The following JPH1 variants were observed in gnomAD, a reference collection of about 807,000 sequenced individuals.
The protein encoded by JPH1 is junctophilin 1.
A neutral mutation model predicts 53.6 loss-of-function variants in JPH1; 12 were observed. That is an observed-to-expected ratio of 0.22 (90% CI 0.14 to 0.36). The LOEUF (loss-of-function observed/expected upper bound fraction) is 0.36. Ranked by LOEUF, JPH1 falls within the 10% of genes least tolerant of loss-of-function variation. The pLI is 1.00. For synonymous variants in JPH1, 375 were observed against 363.8 expected (o/e 1.03, Z -0.35); for missense variants, 808 against 905.5 (o/e 0.89, Z 1.38).
rs1808122913 is a variant in JPH1, at chr8:74,315,437, CCGGCCGGGCTGT to C, written c.551_562del (p.Asp184_Ala187del). 1 of 1,610,774 alleles carries C rather than the reference CCGGCCGGGCTGT, an allele frequency of 6.2e-7. No homozygotes were observed. Among genetic ancestry groups the C allele is most frequent in the South Asian group, 1.1e-5 (1 of 91,026 alleles). On this transcript the variant is annotated inframe_deletion, in exon 2 of 6. Transcript: ENST00000342232. The surrounding 1 kb of genome is among the most constrained non-coding windows in gnomAD (Gnocchi z 6.3). ...GTTGAGCACGAAACCGCCGCGGGTG[CCGGCCGGGCTGT>C]CGGCGGCGGCTGCGGCGTCGTGGAG...
intron 2 of JPH1, among the ~76,000 whole-genome samples, chr8:74,263,699 T>C (rs1265223628): frequency 6.6e-6 from 1 of 152,180 alleles, no homozygotes; most frequent in Non-Finnish European, 1.5e-5. Context: ...GTAACTGACC[T>C]CCCTACTTCG....
intron 2 of JPH1, among the ~76,000 whole-genome samples, chr8:74,291,920 G>A (rs529631955): frequency 3.3e-5 from 5 of 152,242 alleles, no homozygotes; most frequent in South Asian, 2.1e-4. Context: ...GCAAACTATC[G>A]CAAGGACAGA....
At chr8:74,273,387 C>T (rs1806759421) in intron 2 of JPH1, among the ~76,000 whole-genome samples, 1 of 152,104 alleles carries the variant, frequency 6.6e-6, no homozygotes, top group Admixed American at 6.5e-5. Context: ...CTGAATTCTT[C>T]TTATCCTCTA....
chr8:74,244,617 T>A lies in JPH1; in HGVS notation c.1817A>T (p.Glu606Val), dbSNP rs540170630. 6.2e-7 allele frequency: 1 copy of A among 1,614,252 alleles called. No homozygotes were observed. Among genetic ancestry groups the A allele is most frequent in the South Asian group, 1.1e-5 (1 of 91,088 alleles). Residue 606 changes from glutamate to valine, a missense_variant, in exon 4 of 6, where the codon GAG (glutamate) becomes GTG (valine). Coordinates refer to ENST00000342232, the MANE Select transcript of JPH1 (RefSeq NM_020647.4). ...AAGTTCAGACTTCTTAGCTTTTGGC[T>A]CAGCTTTGCTTTCTTTGGCAACTGG... ...TKPVAKESKA[E>V]PKAKKSELAI... is the part of the protein sequence containing the mutation.
Position 74,315,362 on chromosome 8 carries a change from C to T in JPH1, c.638G>A (p.Arg213Gln), listed in dbSNP as rs201314759. ...CATGCTTCCAAGAAGGGAGCCCCTC[C>T]GGAAGAGGCCGCCCTTCTTCTTGCC... ...LAGKKKGGLF[R>Q]RGSLLGSMKL... The change falls in exon 2 of 6, where the codon CGG becomes CAG. Residue 213 changes from arginine (R) to glutamine (Q), a missense_variant. Around this residue, in one of 2 missense-constraint regions of JPH1, gnomAD observed 756 missense variants for 811.9 expected, o/e 0.93. Transcript: ENST00000342232. This position sits in a 1 kb window ranked among gnomAD's most constrained non-coding sequence, Gnocchi z 6.3. 2 of 1,612,862 alleles carry T rather than the reference C, an allele frequency of 1.2e-6. No individual in the cohort carries two copies. Among genetic ancestry groups the T allele is most frequent in the Admixed American group, 1.7e-5 (1 of 59,940 alleles).
intron 3 of JPH1, among the ~76,000 whole-genome samples, chr8:74,256,991 T>A (rs1806258763): frequency 6.6e-6 from 1 of 152,198 alleles, no homozygotes; most frequent in Admixed American, 6.5e-5. Flanking sequence ...CCAGCCTAAT[T>A]TAGAAGTACT....
chr8:74,245,185 A>G lies in JPH1; in HGVS notation c.1259-10T>C. Reference sequence around the variant, plus strand: ...TTGACGTAATCAGGGCCTGGCCAAAAAAAAAAGAAAAAAGAAAAAAAGAAA... The same window carrying G: ...TTGACGTAATCAGGGCCTGGCCAAAGAAAAAAGAAAAAAGAAAAAAAGAAA... On this transcript the variant is annotated splice_polypyrimidine_tract_variant and intron_variant, in intron 3 of 5. Transcript: ENST00000342232. 1.3e-6 allele frequency: 2 copies of G among 1,551,548 alleles called. No homozygotes were observed. Among genetic ancestry groups the G allele is most frequent in the Non-Finnish European group, 1.7e-6 (2 of 1,157,978 alleles).
chr8:74,253,288 GACT>G, intron 3 of JPH1, among the ~76,000 whole-genome samples: 1 of 152,068 alleles, frequency 6.6e-6, no homozygotes, highest in Admixed American at 6.5e-5. Context: ...GCTCCTAAAT[GACT>G]ACTAGGTACA....
At chr8:74,244,014 C>T (rs752389620) in intron 4 of JPH1, among the ~76,000 whole-genome samples, 18 of 152,182 alleles carry the variant, frequency 1.2e-4, no homozygotes, top group Non-Finnish European at 2.5e-4. Context: ...CAAAGCCTGG[C>T]TAATTAAAGT....
At chr8:74,263,617 G>A (rs138294924) in intron 2 of JPH1, among the ~76,000 whole-genome samples, 2 of 152,220 alleles carry the variant, frequency 1.3e-5, no homozygotes, top group Non-Finnish European at 2.9e-5. Context: ...CACCACCTTC[G>A]GAGTATATTC....
intron 2 of JPH1, among the ~76,000 whole-genome samples, chr8:74,312,485 A>G (rs1202939577): frequency 6.6e-6 from 1 of 152,232 alleles, no homozygotes; most frequent in African/African-American, 2.4e-5. Flanking sequence ...CCTGGGCTCA[A>G]GAGATCCTTC....
chr8:74,265,205 G>A (rs993235535), intron 2 of JPH1, among the ~76,000 whole-genome samples: 5 of 152,210 alleles, frequency 3.3e-5, no homozygotes, highest in African/African-American at 9.6e-5. Flanking sequence ...CCCCTGCAGT[G>A]TGTTCATGCT....
intron 4 of JPH1, among the ~76,000 whole-genome samples, chr8:74,242,033 A>G (rs1447940810): frequency 6.6e-6 from 1 of 152,202 alleles, no homozygotes; most frequent in East Asian, 1.9e-4. Context: ...ATACGCAACC[A>G]TTGCCCACAG....
intron 2 of JPH1, among the ~76,000 whole-genome samples, chr8:74,260,506 A>G (rs979682365): frequency 9.2e-5 from 14 of 152,318 alleles, no homozygotes; most frequent in African/African-American, 3.4e-4. Context: ...TAAATTTTCT[A>G]TTATATTTTA....
chr8:74,295,360 C>T (rs1807474841), intron 2 of JPH1, among the ~76,000 whole-genome samples: 1 of 152,094 alleles, frequency 6.6e-6, no homozygotes, highest in Non-Finnish European at 1.5e-5. Context: ...CAGCTCTCAT[C>T]ACCTCATATA....
At chr8:74,264,540 G>C in intron 2 of JPH1, among the ~76,000 whole-genome samples, 1 of 152,142 alleles carries the variant, frequency 6.6e-6, no homozygotes, top group Non-Finnish European at 1.5e-5. Context: ...ATTATGCCCC[G>C]TGTTACACTA....
chr8:74,293,519 G>A (rs777080589), intron 2 of JPH1, among the ~76,000 whole-genome samples: 11 of 152,184 alleles, frequency 7.2e-5, no homozygotes, highest in Non-Finnish European at 1.3e-4. Flanking sequence ...TAAAGTGACA[G>A]AACCAAGATC....
intron 2 of JPH1, among the ~76,000 whole-genome samples, chr8:74,268,410 G>T (rs1034011874): frequency 6.6e-6 from 1 of 152,186 alleles, no homozygotes; most frequent in Non-Finnish European, 1.5e-5. Context: ...GGAGCAAGGA[G>T]GATGGGGAGG....
chr8:74,252,067 G>A (rs901079568), intron 3 of JPH1, among the ~76,000 whole-genome samples: 2 of 152,160 alleles, frequency 1.3e-5, no homozygotes, highest in African/African-American at 4.8e-5. Context: ...AACAAGAAAT[G>A]GGGAAAGGAT....
Sources: allele counts gnomAD v4.1 joint callset (sites outside exome capture counted in the v4.1 genomes callset), GRCh38; gene constraint gnomAD v4.1.1; regional missense constraint gnomAD v4.1.1; non-coding constraint Gnocchi (gnomAD v3.1); transcripts MANE v1.5; gene names NCBI Gene and HGNC (gene_info 2026-07-23, HGNC 2026-07-21).